ANLN: variants seen among roughly 807,000 people sequenced by gnomAD.
ANLN encodes the protein anillin, actin binding protein, also known as anillin.
ANLN carries 59 observed loss-of-function variants against 135.1 expected under a neutral mutation model. The ratio of observed to expected loss-of-function variants is 0.44; its 90% CI spans 0.35 to 0.54. The LOEUF (loss-of-function observed/expected upper bound fraction) is 0.54, where lower values mean the gene tolerates loss of function less well. Ranked by LOEUF, ANLN falls within the 20% of genes least tolerant of loss-of-function variation. The pLI is 0.00. For missense variants in ANLN, 1,182 were observed against 1,340.0 expected (o/e 0.88, Z 1.84); for synonymous variants, 406 against 456.4 (o/e 0.89, Z 1.41).
intron 23 of ANLN, 106 bp from the exon 24 acceptor site, chr7:36,452,371 A>T: frequency 7.0e-7 from 1 of 1,431,292 alleles, no homozygotes. Context: ...GTTAAAGGTA[A>T]TTCATTTACT....
Position 36,406,294 on chromosome 7 carries a change from C to G in ANLN, c.601C>G (p.Arg201Gly), listed in dbSNP as rs1787184711. 6.2e-7 allele frequency: 1 copy of G among 1,614,028 alleles called. No individual in the cohort carries two copies. Residue 201 changes from arginine to glycine, a missense_variant, in exon 4 of 24, where the codon CGT becomes GGT. By Grantham distance (125) the Arg-to-Gly change is moderately radical. Transcript: ENST00000265748. ...ASATPVGRRGRLANLAATICS... is the reference protein window; with the variant it reads ...ASATPVGRRGGLANLAATICS... ...GGCAACTCCAGTTGGCAGAAGGGGCCGTCTGGCCAATCTTGCTGCAACTAT... is the reference window on the plus strand; with the variant it reads ...GGCAACTCCAGTTGGCAGAAGGGGCGGTCTGGCCAATCTTGCTGCAACTAT...
intron 21 of ANLN, among the ~76,000 whole-genome samples, chr7:36,441,756 GTT>G: frequency 6.6e-6 from 1 of 152,272 alleles, no homozygotes; most frequent in East Asian, 1.9e-4. Context: ...TGTTAATCTT[GTT>G]TATCAAAAGT....
intron 3 of ANLN, among the ~76,000 whole-genome samples, chr7:36,405,737 T>A (rs915803951): frequency 2.0e-5 from 3 of 152,250 alleles, no homozygotes. Context: ...GTTTATTAGC[T>A]GCTCTAGCCA....
chr7:36,411,236 AT>A, intron 7 of ANLN, 70 bp downstream of exon 7: 1 of 1,220,016 alleles, frequency 8.2e-7, no homozygotes, highest in Non-Finnish European at 1.1e-6. Context: ...GTAGTTCTGT[AT>A]TGGCAAATAA....
At position 36,407,950 on chromosome 7, in the gene ANLN, A is replaced by T. The variant is rs781592024; in HGVS notation, c.1090A>T (p.Thr364Ser). ...ATCTCAATCTAAAGACAAATCTACG[A>T]CACCAGGTTACGTATTTATAAAAAA... Reference protein sequence around the residue: ...LQSQSKDKSTTPGGTGIKPFL... With the variant: ...LQSQSKDKSTSPGGTGIKPFL... The change falls in exon 5 of 24, where the codon ACA becomes TCA. Residue 364 changes from threonine (T) to serine (S), a missense_variant. Transcript: ENST00000265748. 2.5e-6 allele frequency: 4 copies of T among 1,610,822 alleles called. No individual in the cohort carries two copies. In the South Asian group the frequency reaches 4.4e-5, roughly 18 times the overall value.
At position 36,452,569 on chromosome 7, in the gene ANLN, ATGCT is replaced by A; in HGVS notation, c.3349_3352del (p.Cys1117ThrfsTer16). The A allele has an allele frequency of 6.2e-7, 1 of 1,614,068 alleles. No homozygotes were observed. Among genetic ancestry groups the A allele is most frequent in the Non-Finnish European group, 8.5e-7 (1 of 1,179,950 alleles). ...GTTGATATTCGCCTCTGGCAACCTG[ATGCT>A]TGCTACAAACCTATTGGAAAGCCTT... On this transcript the variant is annotated frameshift_variant, in exon 24 of 24. Transcript: ENST00000265748. LOFTEE classifies it high-confidence loss of function.
intron 15 of ANLN, 139 bp from the exon 16 acceptor site, chr7:36,424,406 C>A: frequency 1.6e-6 from 1 of 610,672 alleles, no homozygotes; most frequent in Non-Finnish European, 2.5e-6. Flanking sequence ...AAAAAATAGA[C>A]TTCTTAACAA....
chr7:36,399,207 G>C lies in ANLN; in HGVS notation c.301G>C (p.Val101Leu). The change falls in exon 3 of 24, where the codon GTG becomes CTG. Residue 101 changes from valine to leucine, a missense_variant. By Grantham distance (32) the Val-to-Leu change is conservative. Coordinates refer to ENST00000265748, the MANE Select transcript of ANLN (RefSeq NM_018685.5). ...TSAKSCSPSPVSPQVQPQAAD... is the reference protein window; with the variant it reads ...TSAKSCSPSPLSPQVQPQAAD... ...TGCAAAATCTTGTTCTCCAAGTCCT[G>C]TGTCTCCTCAGGTGCAGCCACAAGC... The C allele has an allele frequency of 6.2e-7, 1 of 1,614,116 alleles. No individual in the cohort carries two copies. The highest frequency in any genetic ancestry group is 2.2e-5 in the East Asian group (1 of 44,874).
intron 20 of ANLN, among the ~76,000 whole-genome samples, chr7:36,432,185 A>G (rs540448900): frequency 6.6e-6 from 1 of 152,316 alleles, no homozygotes; most frequent in South Asian, 2.1e-4. Flanking sequence ...AGCTATGATC[A>G]CGCCACTGCA....
chr7:36,419,748 G>A (rs1177265513), intron 10 of ANLN, among the ~76,000 whole-genome samples: 1 of 152,162 alleles, frequency 6.6e-6, no homozygotes, highest in Non-Finnish European at 1.5e-5. Flanking sequence ...TATTGGTCAG[G>A]TTATTTAAGC....
chr7:36,422,891 T>C (rs1303402814), intron 14 of ANLN, 82 bp downstream of exon 14: 11 of 1,335,546 alleles, frequency 8.2e-6, no homozygotes. Flanking sequence ...AACAAGTAAA[T>C]CATGCATAAC....
At chr7:36,451,123 C>CT (rs1206574848) in intron 23 of ANLN, among the ~76,000 whole-genome samples, 1 of 152,192 alleles carries the variant, frequency 6.6e-6, no homozygotes, top group Admixed American at 6.5e-5. Context: ...ATTTATTTTA[C>CT]TTTTTTGATG....
At chr7:36,391,541 G>A (rs796675746) in intron 1 of ANLN, among the ~76,000 whole-genome samples, 8 of 152,274 alleles carry the variant, frequency 5.3e-5, no homozygotes, top group East Asian at 1.9e-4. Context: ...CAGCTTAGAC[G>A]TCTTTTCCTT....
intron 20 of ANLN, among the ~76,000 whole-genome samples, chr7:36,433,251 T>C (rs1036196099): frequency 9.8e-5 from 15 of 152,350 alleles, no homozygotes; most frequent in African/African-American, 3.6e-4. Context: ...ACTGTCTTTA[T>C]TATTTCTTGT....
intron 17 of ANLN, among the ~76,000 whole-genome samples, chr7:36,425,468 G>T (rs1200768333): frequency 6.6e-6 from 1 of 151,786 alleles, no homozygotes; most frequent in Non-Finnish European, 1.5e-5. Context: ...CTAATTTTTT[G>T]TATTTTTAGC....
At chr7:36,403,227 A>G (rs1787036058) in intron 3 of ANLN, among the ~76,000 whole-genome samples, 1 of 152,190 alleles carries the variant, frequency 6.6e-6, no homozygotes, top group Admixed American at 6.5e-5. Flanking sequence ...CTAAGACCTA[A>G]CGACTGGATG....
At chr7:36,451,364 G>A (rs763275708) in intron 23 of ANLN, among the ~76,000 whole-genome samples, 4 of 152,206 alleles carry the variant, frequency 2.6e-5, no homozygotes, top group Non-Finnish European at 4.4e-5. Context: ...ATCACATGGG[G>A]AGGCAGTAGT....
At chr7:36,428,259 A>G in intron 20 of ANLN, 1 of 1,025,040 alleles carries the variant, frequency 9.8e-7, no homozygotes, top group Non-Finnish European at 1.3e-6. Flanking sequence ...TAACCAGTTG[A>G]GTGATCCTGG....
chr7:36,410,802 A>G, intron 6 of ANLN, 98 bp downstream of exon 6: 5 of 1,271,346 alleles, frequency 3.9e-6, no homozygotes, highest in Non-Finnish European at 5.5e-6. Flanking sequence ...GACTGAGATA[A>G]GTAGCATCTT....
Sources: allele counts gnomAD v4.1 joint callset (sites outside exome capture counted in the v4.1 genomes callset), GRCh38; gene constraint gnomAD v4.1.1; transcripts MANE v1.5; gene names NCBI Gene and HGNC (gene_info 2026-07-23, HGNC 2026-07-21).